CTNNA2: variants seen among roughly 807,000 people sequenced by gnomAD.
CTNNA2 encodes catenin alpha-2.
A neutral mutation model predicts 101.0 loss-of-function variants in CTNNA2; 42 were observed. That is an observed-to-expected ratio of 0.42 (90% CI 0.32 to 0.54). CTNNA2 has a LOEUF of 0.54. CTNNA2 is among the 20% of genes least tolerant of loss of function. CTNNA2 has a pLI of 0.14. For missense variants in CTNNA2, 871 were observed against 1,223.1 expected (o/e 0.71, Z 4.29); for synonymous variants, 450 against 456.4 (o/e 0.99, Z 0.18).
At chr2:80,405,000 A>G (rs1678933163) in intron 8 of CTNNA2, among the ~76,000 whole-genome samples, 1 of 152,220 alleles carries the variant, frequency 6.6e-6, no homozygotes, top group Non-Finnish European at 1.5e-5. Context: ...ATTCAAAGCC[A>G]TGGCTTCACC....
chr2:80,256,174 C>G (rs996398298), intron 7 of CTNNA2, among the ~76,000 whole-genome samples: 27 of 152,074 alleles, frequency 1.8e-4, no homozygotes, highest in African/African-American at 6.3e-4. Flanking sequence ...CTTCAGAAAC[C>G]CGTTAAAAGG....
intron 7 of CTNNA2, among the ~76,000 whole-genome samples, chr2:80,374,702 T>G (rs1211198257): frequency 1.3e-5 from 2 of 151,788 alleles, no homozygotes; most frequent in Non-Finnish European, 2.9e-5. Flanking sequence ...TGTGTGTGTG[T>G]GTGTGTGTGT....
chr2:80,289,002 C>T (rs1455544945), intron 7 of CTNNA2: 1 of 152,072 alleles, frequency 6.6e-6, no homozygotes, highest in Non-Finnish European at 1.5e-5. Context: ...TGTGAGGGTT[C>T]AGAAAAACAA....
At chr2:79,972,272 GAGA>G (rs1299200984) in intron 7 of CTNNA2, among the ~76,000 whole-genome samples, 1 of 152,148 alleles carries the variant, frequency 6.6e-6, no homozygotes, top group Non-Finnish European at 1.5e-5. Flanking sequence ...AATAAGGATA[GAGA>G]AGAAGATACA....
Position 79,823,224 on chromosome 2 carries a change from C to T in CTNNA2, c.299-34789C>T, listed in dbSNP as rs577716008. On this transcript the variant is annotated intron_variant, in intron 3 of 18. Transcript: ENST00000402739. ...ACCCAGAAGACCTAAGCCATATCTG[C>T]CTTTACTTATTATTTCATTACCCAG... 2.0e-5 allele frequency among the ~76,000 whole-genome samples: 3 copies of T among 152,232 alleles called. No individual in the cohort carries two copies. The South Asian group carries it at 6.2e-4, about 32-fold the overall frequency.
chr2:80,387,715 G>A (rs1331286572), intron 7 of CTNNA2, among the ~76,000 whole-genome samples: 1 of 152,158 alleles, frequency 6.6e-6, no homozygotes, highest in African/African-American at 2.4e-5. Flanking sequence ...CAGAGGATGG[G>A]AGAATAAAGG....
intron 3 of CTNNA2, among the ~76,000 whole-genome samples, chr2:79,761,539 C>A (rs929527294): frequency 6.6e-6 from 1 of 152,104 alleles, no homozygotes; most frequent in Non-Finnish European, 1.5e-5. Flanking sequence ...TATTTAATAA[C>A]ATTGGCTTTT....
At chr2:79,211,884 A>G (rs1429602488) in intron 2 of CTNNA2, among the ~76,000 whole-genome samples, 1 of 152,096 alleles carries the variant, frequency 6.6e-6, no homozygotes, top group Non-Finnish European at 1.5e-5. Context: ...TTCGAGCGGG[A>G]TTAGGGGCGG....
intron 1 of CTNNA2, among the ~76,000 whole-genome samples, chr2:79,629,052 T>A (rs1033682445): frequency 6.6e-6 from 1 of 152,194 alleles, no homozygotes; most frequent in South Asian, 2.1e-4. Flanking sequence ...TTCCTAGGAC[T>A]TTTGAGACCT....
intron 1 of CTNNA2, among the ~76,000 whole-genome samples, chr2:79,559,476 G>T (rs957597781): frequency 2.0e-5 from 3 of 151,948 alleles, no homozygotes; most frequent in African/African-American, 7.2e-5. Flanking sequence ...GAAATGGAGG[G>T]CAGGGAATGC....
At chr2:80,643,309 C>T (rs1008627324) in intron 18 of CTNNA2, among the ~76,000 whole-genome samples, 1 of 152,036 alleles carries the variant, frequency 6.6e-6, no homozygotes, top group African/African-American at 2.4e-5. Context: ...TTGGCTTCAC[C>T]ACATGTTAGC....
chr2:79,638,139 G>C (rs567384827), intron 1 of CTNNA2, among the ~76,000 whole-genome samples: 1 of 152,314 alleles, frequency 6.6e-6, no homozygotes, highest in East Asian at 1.9e-4. Flanking sequence ...ATGACCTGTA[G>C]TGTTCAGTGG....
At chr2:80,500,937 G>A (rs1316283568) in intron 9 of CTNNA2, among the ~76,000 whole-genome samples, 3 of 152,062 alleles carry the variant, frequency 2.0e-5, no homozygotes, top group African/African-American at 7.2e-5. Context: ...TCTTCTTATT[G>A]ATTGATTGAT....
At chr2:79,209,384 A>G (rs1558574072) in intron 2 of CTNNA2, among the ~76,000 whole-genome samples, 1 of 152,200 alleles carries the variant, frequency 6.6e-6, no homozygotes, top group African/African-American at 2.4e-5. Context: ...TCTGGTGGAA[A>G]AAACAGTTTT....
chr2:79,650,956 G>A (rs1681202258), intron 1 of CTNNA2, among the ~76,000 whole-genome samples: 1 of 151,988 alleles, frequency 6.6e-6, no homozygotes, highest in Admixed American at 6.6e-5. Flanking sequence ...TCCCTACACA[G>A]GACATGAACT....
At chr2:80,367,634 G>A (rs1675058924) in intron 7 of CTNNA2, among the ~76,000 whole-genome samples, 1 of 151,732 alleles carries the variant, frequency 6.6e-6, no homozygotes, top group Non-Finnish European at 1.5e-5. Flanking sequence ...TTTATGCTTG[G>A]TAAAAACCAG....
chr2:79,982,472 TAC>T (rs60316453), intron 7 of CTNNA2, among the ~76,000 whole-genome samples: 2,593 of 139,446 alleles, frequency 0.019, 45 homozygotes, highest in African/African-American at 0.051. Flanking sequence ...GACTCCTAAC[TAC>T]ACACACACAC....
chr2:80,618,293 G>A (rs1001554503), intron 17 of CTNNA2, among the ~76,000 whole-genome samples: 2 of 151,754 alleles, frequency 1.3e-5, no homozygotes, highest in Non-Finnish European at 2.9e-5. Flanking sequence ...ATTTTTTTAT[G>A]ATTGCAGAAA....
At chr2:80,424,156 A>G (rs1046469279) in intron 9 of CTNNA2, among the ~76,000 whole-genome samples, 3 of 152,066 alleles carry the variant, frequency 2.0e-5, no homozygotes, top group African/African-American at 4.8e-5. Context: ...GGGTTTCACT[A>G]TGTTGGCCAG....
Sources: gnomAD v4.1 joint callset for allele counts (sites outside exome capture counted in the v4.1 genomes callset) on GRCh38, gnomAD v4.1.1 for gene constraint, MANE v1.5 for transcripts, NCBI Gene and HGNC (gene_info 2026-07-23, HGNC 2026-07-21) for gene names.